The following PDGFD variants were observed in gnomAD, a reference collection of about 807,000 sequenced individuals.
PDGFD encodes platelet derived growth factor D, also known as platelet-derived growth factor D.
In PDGFD, 30 loss-of-function variants were observed where a neutral mutation model predicts 44.7. The observed-to-expected ratio is 0.67, with a 90% CI of 0.50 to 0.91. The LOEUF is 0.91. Among genes scored for constraint, PDGFD ranks in the 40% least tolerant of loss-of-function variants. PDGFD has a pLI of 0.00. For synonymous variants in PDGFD, 173 were observed against 168.4 expected (o/e 1.03, Z -0.21); for missense variants, 445 against 457.8 (o/e 0.97, Z 0.25).
chr11:104,091,891 A>G (rs1185537871), intron 1 of PDGFD, among the ~76,000 whole-genome samples: 6 of 152,208 alleles, frequency 3.9e-5, no homozygotes, highest in Non-Finnish European at 8.8e-5. Flanking sequence ...CTATCAGAAT[A>G]GAAACAAATC....
chr11:103,979,496 C>T (rs1859234225), intron 3 of PDGFD, among the ~76,000 whole-genome samples: 1 of 152,078 alleles, frequency 6.6e-6, no homozygotes. Flanking sequence ...AGGGAGGTTT[C>T]ACATTTTATT....
At chr11:103,953,044 GATAA>G (rs1858781941) in intron 3 of PDGFD, among the ~76,000 whole-genome samples, 1 of 152,090 alleles carries the variant, frequency 6.6e-6, no homozygotes, top group Admixed American at 6.6e-5. Context: ...TGAAAACACA[GATAA>G]ATATTTATGT....
intron 1 of PDGFD, among the ~76,000 whole-genome samples, chr11:104,088,531 A>C (rs1353478860): frequency 6.6e-6 from 1 of 152,200 alleles, no homozygotes; most frequent in Non-Finnish European, 1.5e-5. Context: ...GGAATATAAG[A>C]GATACCATAC....
Position 103,920,585 on chromosome 11 carries a change from A to G in PDGFD, c.987+6327T>C, listed in dbSNP as rs148138260. On this transcript the variant is annotated intron_variant, in intron 6 of 6. Coordinates refer to ENST00000393158, the MANE Select transcript of PDGFD (RefSeq NM_025208.5). ...AGAAGGGAGAAGGTGTGCAGTTTGT[A>G]ATACTTAAACAAGGAGTTCACTAAC... 7.2e-3 allele frequency among the ~76,000 whole-genome samples: 1,091 copies of G among 152,346 alleles called. 5 individuals carry two copies. Among genetic ancestry groups the G allele is most frequent in the Middle Eastern group, 0.017 (5 of 294 alleles).
intron 1 of PDGFD, among the ~76,000 whole-genome samples, chr11:104,076,974 A>G (rs1296370376): frequency 6.6e-6 from 1 of 152,212 alleles, no homozygotes; most frequent in African/African-American, 2.4e-5. Context: ...AATACAATAT[A>G]CAATACATAT....
rs139620021 is a variant in PDGFD, at chr11:104,082,924, T to G, written c.124+80880A>C. Among the ~76,000 whole-genome samples, 1,451 of 152,270 alleles carry G rather than the reference T, an allele frequency of 9.5e-3. 17 individuals carry two copies. The highest frequency in any genetic ancestry group is 0.033 in the African/African-American group (1,361 of 41,558). On this transcript the variant is annotated intron_variant, in intron 1 of 6. Coordinates refer to ENST00000393158, the MANE Select transcript of PDGFD (RefSeq NM_025208.5). ...ATGAGCCCCTACTTGTGGCCACAAA[T>G]AAGTTTTAAGAACATCCTATCCTGT... is the stretch of plus-strand genomic sequence containing the variant.
intron 1 of PDGFD, among the ~76,000 whole-genome samples, chr11:104,115,195 T>C (rs1332900261): frequency 6.6e-6 from 1 of 151,368 alleles, no homozygotes; most frequent in African/African-American, 2.4e-5. Context: ...TAGTCTCCAA[T>C]CTCATCCAGC....
At chr11:104,084,860 T>C (rs1261500656) in intron 1 of PDGFD, among the ~76,000 whole-genome samples, 2 of 146,480 alleles carry the variant, frequency 1.4e-5, no homozygotes, top group African/African-American at 4.9e-5. Context: ...TTTTAAAATA[T>C]AATATATAAA....
At position 103,969,617 on chromosome 11, in the gene PDGFD, A is replaced by G. The variant is rs564587225; in HGVS notation, c.511-21893T>C. Among the ~76,000 whole-genome samples the G allele has an allele frequency of 1.5e-4, 22 of 150,922 alleles. No individual in the cohort carries two copies. The South Asian group carries it at 4.6e-3, about 32-fold the overall frequency. On this transcript the variant is annotated intron_variant, in intron 3 of 6. Transcript: ENST00000393158. ...ATCTTCTCTATATTTTTGTCCTGTG[A>G]TATGTTAGAGCTACTCCTTCAGGGG...
chr11:104,152,435 A>G (rs1281375620), intron 1 of PDGFD, among the ~76,000 whole-genome samples: 1 of 152,110 alleles, frequency 6.6e-6, no homozygotes, highest in Non-Finnish European at 1.5e-5. Flanking sequence ...TTTCTCTATA[A>G]ATTTATAAAC....
At chr11:104,162,692 T>G (rs1178314052) in intron 1 of PDGFD, among the ~76,000 whole-genome samples, 2 of 152,144 alleles carry the variant, frequency 1.3e-5, no homozygotes, top group Non-Finnish European at 2.9e-5. Context: ...AAAAGTCATT[T>G]AGTAAATTCC....
At chr11:104,161,950 A>AGAGAGAGAGTGT (rs142168784) in intron 1 of PDGFD, among the ~76,000 whole-genome samples, 1 of 148,908 alleles carries the variant, frequency 6.7e-6, no homozygotes, top group Non-Finnish European at 1.5e-5. Flanking sequence ...AATCAAAGAG[A>AGAGAGAGAGTGT]GTGTGTGTGT....
intron 1 of PDGFD, among the ~76,000 whole-genome samples, chr11:104,104,082 T>C (rs1430063415): frequency 2.0e-5 from 3 of 152,036 alleles, no homozygotes; most frequent in Non-Finnish European, 4.4e-5. Context: ...ATATGTTCAA[T>C]TGTGTCTTAG....
intron 1 of PDGFD, among the ~76,000 whole-genome samples, chr11:104,160,604 G>A (rs548455268): frequency 1.3e-5 from 2 of 152,242 alleles, no homozygotes; most frequent in East Asian, 1.9e-4. Context: ...CAGTTTGAGC[G>A]AGAATAATAA....
At chr11:104,135,827 T>C (rs1861995676) in intron 1 of PDGFD, among the ~76,000 whole-genome samples, 1 of 152,054 alleles carries the variant, frequency 6.6e-6, no homozygotes, top group African/African-American at 2.4e-5. Context: ...AGCTGAGGTG[T>C]CTATAAGGGG....
rs865787448 is a variant in PDGFD, at chr11:104,119,354, A to T, written c.124+44450T>A. The stretch of plus-strand genomic sequence containing the variant: ...TATATAATATATTGATATAATATAT[A>T]ATATATTGATATAATATATTGATAT... On this transcript the variant is annotated intron_variant, in intron 1 of 6. Transcript: ENST00000393158. Among the ~76,000 whole-genome samples the T allele has an allele frequency of 1.4e-4, 7 of 48,822 alleles. 1 individual carries two copies. Among genetic ancestry groups the T allele is most frequent in the Admixed American group, 4.1e-4 (1 of 2,468 alleles). The allele number at this position is 48,822 out of a possible 152,430, so 32.0% of individuals were successfully genotyped here.
chr11:104,060,598 G>C (rs776905822), intron 1 of PDGFD, among the ~76,000 whole-genome samples: 1 of 152,100 alleles, frequency 6.6e-6, no homozygotes, highest in African/African-American at 2.4e-5. Context: ...GGCTCATTAG[G>C]AGACATTCCT....
chr11:104,118,439 ATAAC>A (rs111365249), intron 1 of PDGFD, among the ~76,000 whole-genome samples: 37 of 151,920 alleles, frequency 2.4e-4, no homozygotes, highest in African/African-American at 3.6e-4. Context: ...GCTGTGAGAA[ATAAC>A]TAACTATTGT....
At position 103,909,253 on chromosome 11, in the gene PDGFD, T is replaced by C. The variant is rs1293201949; in HGVS notation, c.*441A>G. On this transcript the variant is annotated 3_prime_UTR_variant, in exon 7 of 7. Transcript: ENST00000393158. ...GAGCAAGATTCAAAATTGTTTTGTG[T>C]TTCAAAATTTAAAAATAAATTTATC... The C allele has an allele frequency of 1.3e-5, 2 of 153,040 alleles. No homozygotes were observed. The highest frequency in any genetic ancestry group is 4.8e-5 in the African/African-American group (2 of 41,474). 9.5% of individuals were successfully genotyped at this position (153,040 alleles called of 1,614,324 possible). A position where few individuals can be genotyped will look rare whatever the true frequency, so the allele number is the denominator to read the frequency against.
Sources: allele counts gnomAD v4.1 joint callset (sites outside exome capture counted in the v4.1 genomes callset), GRCh38; gene constraint gnomAD v4.1.1; transcripts MANE v1.5; gene names NCBI Gene and HGNC (gene_info 2026-07-23, HGNC 2026-07-21).